LTN1: variants seen among roughly 807,000 people sequenced by gnomAD.
LTN1 encodes listerin E3 ubiquitin protein ligase 1.
In LTN1, 88 loss-of-function variants were observed where a neutral mutation model predicts 201.2. The observed-to-expected ratio is 0.44, with a 90% CI of 0.37 to 0.52. LTN1 has a LOEUF of 0.52. Among genes scored for constraint, LTN1 ranks in the 20% least tolerant of loss-of-function variants. LTN1 has a pLI of 0.00. For missense variants in LTN1, 1,752 were observed against 2,038.7 expected (o/e 0.86, Z 2.71); for synonymous variants, 645 against 713.5 (o/e 0.90, Z 1.53).
chr21:28,956,716 A>C, intron 16 of LTN1, 46 bp downstream of exon 16: 1 of 920,042 alleles, frequency 1.1e-6, no homozygotes, highest in Non-Finnish European at 1.5e-6. Flanking sequence ...TCAAAATTAT[A>C]TTCATTCATG....
Position 28,935,304 on chromosome 21 carries a change from A to G in LTN1, c.4680T>C (p.Ile1560=). ...IRETTMLPYH[I]PHLACSVYHM... is the part of the protein sequence containing the mutation. ...GATAGACTGAACAAGCCAAGTGTGG[A>G]ATGTGGTATGGAAGCATTGTTGTTT... The change falls in exon 27 of 30, where the codon ATT becomes ATC. Residue 1560 remains isoleucine (I), a synonymous_variant. Transcript: ENST00000361371. 1 of 1,613,740 alleles carries G rather than the reference A, an allele frequency of 6.2e-7. No homozygotes were observed. Among genetic ancestry groups the G allele is most frequent in the Non-Finnish European group, 8.5e-7 (1 of 1,179,688 alleles).
rs2084337229 is a variant in LTN1 at position 28,946,257 on chromosome 21, G to T, written c.3518C>A (p.Ser1173Tyr). 3 of 1,577,054 alleles carry T rather than the reference G, an allele frequency of 1.9e-6. No individual in the cohort carries two copies. The highest frequency in any genetic ancestry group is 2.6e-6 in the Non-Finnish European group (3 of 1,167,290). Residue 1173 changes from serine to tyrosine, a missense_variant, in exon 20 of 30, where the codon TCT becomes TAT. Physicochemically the swap from Ser to Tyr is moderately radical, Grantham distance 144. Coordinates refer to ENST00000361371, the MANE Select transcript of LTN1 (RefSeq NM_015565.3). ...GGFGHLAIFN[S>Y]CLQTKSIDDG... Reference sequence around the variant, plus strand: ...ATCTATACTTTTGGTTTGCAGACAAGAATTGAAAATGGCAAGATGTCCAAA... The same window carrying T: ...ATCTATACTTTTGGTTTGCAGACAATAATTGAAAATGGCAAGATGTCCAAA...
rs201323656 is a variant in LTN1, at chr21:28,959,545, C to T, written c.2506G>A (p.Gly836Arg). The change falls in exon 13 of 30, where the codon GGA becomes AGA. Residue 836 changes from glycine (G) to arginine (R), a missense_variant. Gly to Arg is a moderately radical substitution (Grantham distance 125). Around this residue, in one of 3 missense-constraint regions of LTN1, gnomAD observed 1,211 missense variants for 1,312.8 expected, o/e 0.92. Transcript: ENST00000361371. ...TCAGATGATGGCATTAGCAAGCATCCTTTCGCTGAGCTGAAATAGTTATAG... is the reference window on the plus strand; with the variant it reads ...TCAGATGATGGCATTAGCAAGCATCTTTTCGCTGAGCTGAAATAGTTATAG... ...VAYNYFSSAKGCLLMPSSEDL... is the reference protein window; with the variant it reads ...VAYNYFSSAKRCLLMPSSEDL... 4.3e-5 allele frequency: 70 copies of T among 1,613,842 alleles called. No individual in the cohort carries two copies. The highest frequency in any genetic ancestry group is 1.7e-5 in the Admixed American group (1 of 59,980).
At chr21:28,951,844 C>A (rs966856416) in intron 18 of LTN1, among the ~76,000 whole-genome samples, 1 of 151,942 alleles carries the variant, frequency 6.6e-6, no homozygotes, top group Admixed American at 6.6e-5. Flanking sequence ...GTAGTGCACA[C>A]CTGTGGTCCC....
chr21:28,934,708 C>T (rs920938667), intron 27 of LTN1, among the ~76,000 whole-genome samples: 10 of 152,062 alleles, frequency 6.6e-5, no homozygotes, highest in Non-Finnish European at 4.4e-5. Flanking sequence ...CCACCCACCT[C>T]GGCCTCCCAA....
chr21:28,960,763 C>A, intron 11 of LTN1, 57 bp from the exon 12 acceptor site: 1 of 1,160,552 alleles, frequency 8.6e-7, no homozygotes, highest in Non-Finnish European at 1.3e-6. Flanking sequence ...TCTCTCTGTC[C>A]AAAATATTAC....
At position 28,984,819 on chromosome 21, in the gene LTN1, T is replaced by C. The variant is rs754445698; in HGVS notation, c.449A>G (p.Tyr150Cys). 1.7e-5 allele frequency: 28 copies of C among 1,614,130 alleles called. No individual in the cohort carries two copies. The South Asian group carries it at 3.0e-4, about 17-fold the overall frequency. Residue 150 changes from tyrosine to cysteine, a missense_variant, in exon 4 of 30, where the codon TAT becomes TGT. This residue lies in a region of LTN1 where 280 missense variants were observed against 375.7 expected (regional missense o/e 0.75). Transcript: ENST00000361371. ...AGTATCACACTGAGCCATTAGCCAA[T>C]ATCCCATTAAACTTTTTAAGTAGGG... ...LAPYLKSLMG[Y>C]WLMAQCDTYT...
At chr21:28,970,454 T>C in intron 8 of LTN1, 98 bp downstream of exon 8, 1 of 812,078 alleles carries the variant, frequency 1.2e-6, no homozygotes, top group Non-Finnish European at 2.0e-6. Context: ...ATTTAATGAA[T>C]AGTAAAACAA....
At chr21:28,984,562 G>A in intron 4 of LTN1, 130 bp downstream of exon 4, 1 of 570,830 alleles carries the variant, frequency 1.8e-6, no homozygotes, top group Non-Finnish European at 3.0e-6. Flanking sequence ...ATTTTAAAAA[G>A]GCAACCTTCA....
At chr21:28,970,841 T>A in intron 7 of LTN1, 99 bp from the exon 8 acceptor site, 1 of 890,140 alleles carries the variant, frequency 1.1e-6, no homozygotes, top group Non-Finnish European at 1.6e-6. Context: ...AAAAACCAAG[T>A]ATTTTACCTA....
At chr21:28,975,379 C>G (rs1372638665) in intron 6 of LTN1, among the ~76,000 whole-genome samples, 2 of 152,058 alleles carry the variant, frequency 1.3e-5, no homozygotes, top group East Asian at 3.9e-4. Context: ...GGCCCATAAA[C>G]ATATTAAAAG....
Position 28,966,548 on chromosome 21 carries a change from T to C in LTN1, c.1943A>G (p.Glu648Gly). Residue 648 changes from glutamate (E) to glycine (G), a missense_variant, in exon 10 of 30, where the codon GAA (glutamate) becomes GGA (glycine). This residue lies in a region of LTN1 where 1,211 missense variants were observed against 1,312.8 expected (regional missense o/e 0.92). Coordinates refer to ENST00000361371, the MANE Select transcript of LTN1 (RefSeq NM_015565.3). The stretch of plus-strand genomic sequence containing the variant: ...ATTTTTTTGTACAAGCTTGGCTATT[T>C]CAAGAGGTTTGGCTTGGACAATACT... ...KQSIVQAKPL[E>G]IAKLVQKNPA... 6.2e-7 allele frequency: 1 copy of C among 1,614,166 alleles called. No individual in the cohort carries two copies. Among genetic ancestry groups the C allele is most frequent in the Non-Finnish European group, 8.5e-7 (1 of 1,180,032 alleles).
rs1464449253 is a variant in LTN1 at position 28,966,978 on chromosome 21, G to A, written c.1513C>T (p.Pro505Ser). The change falls in exon 10 of 30, where the codon CCA becomes TCA. Residue 505 changes from proline to serine, a missense_variant. Pro to Ser is a moderately conservative substitution (Grantham distance 74, BLOSUM62 -1). Around this residue, in one of 3 missense-constraint regions of LTN1, gnomAD observed 1,211 missense variants for 1,312.8 expected, o/e 0.92. Coordinates refer to ENST00000361371, the MANE Select transcript of LTN1 (RefSeq NM_015565.3). ...AAAACGGACTCAACATCAGCTTCTG[G>A]CTCACTGATTTTCGCAACACAGATC... ...SEICVAKISE[P>S]EADVESVLGV... 1.9e-6 allele frequency: 3 copies of A among 1,613,782 alleles called. No individual in the cohort carries two copies. The East Asian group carries it at 6.7e-5, about 36-fold the overall frequency.
In LTN1 at chr21:28,966,835, A is replaced by T. The variant is rs1325201216; in HGVS notation, c.1656T>A (p.Asn552Lys). Residue 552 changes from asparagine to lysine, a missense_variant, in exon 10 of 30, where the codon AAT (asparagine) becomes AAA (lysine). This residue lies in a region of LTN1 where 1,211 missense variants were observed against 1,312.8 expected (regional missense o/e 0.92). Transcript: ENST00000361371. ...CTCCTTCTGAAGATACACATTTTTC[A>T]TTCTCTTTATTGCTTTCAAGTATCT... ...ADEILESNKE[N>K]EKCVSSEGEK... 2 of 1,611,306 alleles carry T rather than the reference A, an allele frequency of 1.2e-6. No individual in the cohort carries two copies. The highest frequency in any genetic ancestry group is 1.7e-6 in the Non-Finnish European group (2 of 1,179,252).
intron 27 of LTN1, among the ~76,000 whole-genome samples, chr21:28,933,927 C>T (rs1380348295): frequency 2.6e-5 from 4 of 152,144 alleles, no homozygotes; most frequent in Admixed American, 1.3e-4. Context: ...CTGCCCGCCT[C>T]GGCCTCCCAA....
chr21:28,985,181 C>T (rs183713424), intron 3 of LTN1, among the ~76,000 whole-genome samples: 1 of 152,128 alleles, frequency 6.6e-6, no homozygotes, highest in East Asian at 1.9e-4. Context: ...GCCTTGAGGC[C>T]GAGCCTGGTG....
chr21:28,974,053 T>C (rs1281934601), intron 6 of LTN1, among the ~76,000 whole-genome samples: 5 of 152,094 alleles, frequency 3.3e-5, no homozygotes, highest in African/African-American at 1.2e-4. Context: ...AAATAAAATA[T>C]AGAAAATCTT....
intron 18 of LTN1, among the ~76,000 whole-genome samples, chr21:28,951,015 A>G (rs1458569823): frequency 4.6e-5 from 7 of 152,012 alleles, no homozygotes; most frequent in Non-Finnish European, 8.8e-5. Context: ...GAACACACGC[A>G]CACTCTGTCT....
chr21:28,976,709 C>T (rs557877195), intron 6 of LTN1, among the ~76,000 whole-genome samples: 21 of 151,970 alleles, frequency 1.4e-4, no homozygotes, highest in Non-Finnish European at 2.4e-4. Flanking sequence ...AGTACAACCA[C>T]AATTAAAATT....
Sources: gnomAD v4.1 joint callset for allele counts (sites outside exome capture counted in the v4.1 genomes callset) on GRCh38, gnomAD v4.1.1 for gene constraint, gnomAD v4.1.1 regional missense constraint, MANE v1.5 for transcripts, NCBI Gene and HGNC (gene_info 2026-07-23, HGNC 2026-07-21) for gene names.